DIAPH3: variants seen among roughly 807,000 people sequenced by gnomAD.
DIAPH3 encodes the protein protein diaphanous homolog 3.
A neutral mutation model predicts 144.3 loss-of-function variants in DIAPH3; 117 were observed. The observed-to-expected ratio is 0.81, with a 90% CI of 0.70 to 0.95. The LOEUF (loss-of-function observed/expected upper bound fraction) is 0.95. DIAPH3 is among the 40% of genes least tolerant of loss of function. The pLI, the probability that DIAPH3 is intolerant of heterozygous loss-of-function variation, is 0.00. For synonymous variants in DIAPH3, 519 were observed against 488.9 expected (o/e 1.06, Z -0.81); for missense variants, 1,421 against 1,412.7 (o/e 1.01, Z -0.09).
chr13:60,100,748 G>GT (rs1445411650), intron 3 of DIAPH3, among the ~76,000 whole-genome samples: 1 of 150,904 alleles, frequency 6.6e-6, no homozygotes, highest in Non-Finnish European at 1.5e-5. Context: ...ATAACTTGGG[G>GT]TAAAAAAAGA....
At chr13:59,682,762 T>C (rs992630146) in intron 27 of DIAPH3, among the ~76,000 whole-genome samples, 2 of 152,204 alleles carry the variant, frequency 1.3e-5, no homozygotes, top group Admixed American at 1.3e-4. Context: ...CAATCAAATA[T>C]GACCTCCTGA....
chr13:59,895,695 A>T (rs2046053175), intron 20 of DIAPH3, among the ~76,000 whole-genome samples: 1 of 152,226 alleles, frequency 6.6e-6, no homozygotes, highest in African/African-American at 2.4e-5. Context: ...TGAGTATCTC[A>T]GAGAAATTTT....
intron 22 of DIAPH3, among the ~76,000 whole-genome samples, chr13:59,860,019 T>A (rs1478592217): frequency 6.6e-6 from 1 of 152,092 alleles, no homozygotes; most frequent in African/African-American, 2.4e-5. Flanking sequence ...AAAAGGCTTA[T>A]TTTTTGTCTT....
chr13:60,017,388 G>A (rs1459454120), intron 5 of DIAPH3, among the ~76,000 whole-genome samples: 2 of 139,280 alleles, frequency 1.4e-5, no homozygotes, highest in Non-Finnish European at 1.5e-5. Flanking sequence ...TGGGCAACAA[G>A]AGCAAAACTC....
chr13:60,029,999 G>A (rs1238647427), intron 5 of DIAPH3, among the ~76,000 whole-genome samples: 1 of 151,954 alleles, frequency 6.6e-6, no homozygotes, highest in Non-Finnish European at 1.5e-5. Context: ...CTGCCACACG[G>A]TTTTTCCACC....
intron 19 of DIAPH3, among the ~76,000 whole-genome samples, chr13:59,915,518 A>G (rs1300262353): frequency 3.3e-5 from 5 of 152,138 alleles, no homozygotes; most frequent in African/African-American, 1.2e-4. Flanking sequence ...ATCTCTCACT[A>G]TATAATTTGT....
chr13:59,843,462 G>GT (rs1414957782), intron 22 of DIAPH3, among the ~76,000 whole-genome samples: 1 of 152,176 alleles, frequency 6.6e-6, no homozygotes, highest in Non-Finnish European at 1.5e-5. Context: ...CAATTCTGTG[G>GT]TTGTCAGTGG....
intron 27 of DIAPH3, among the ~76,000 whole-genome samples, chr13:59,760,164 C>T (rs1340638550): frequency 6.6e-6 from 1 of 152,172 alleles, no homozygotes. Flanking sequence ...AAAAATAGAG[C>T]ATACATCATC....
rs2053162948 is a variant in DIAPH3, at chr13:60,010,414, T to C, written c.908+119A>G. Reference sequence around the variant, plus strand: ...AGAAACTATATTAGCTGCTTAAATATACCTCAACATTTATTTAAATTCTAG... The same window carrying C: ...AGAAACTATATTAGCTGCTTAAATACACCTCAACATTTATTTAAATTCTAG... On this transcript the variant is annotated intron_variant, in intron 8 of 27. Coordinates refer to ENST00000400324, the MANE Select transcript of DIAPH3 (RefSeq NM_001042517.2). 3 of 1,094,620 alleles carry C rather than the reference T, an allele frequency of 2.7e-6. No homozygotes were observed. In the South Asian group the frequency reaches 4.9e-5, roughly 18 times the overall value. 67.8% of individuals were successfully genotyped at this position (1,094,620 alleles called of 1,614,324 possible).
chr13:59,835,021 A>G (rs2041970769), intron 23 of DIAPH3, among the ~76,000 whole-genome samples: 1 of 151,758 alleles, frequency 6.6e-6, no homozygotes, highest in South Asian at 2.1e-4. Flanking sequence ...ATTGCTCATT[A>G]CCAAACCACC....
chr13:59,771,191 A>T (rs959874788), intron 27 of DIAPH3, among the ~76,000 whole-genome samples: 1 of 152,242 alleles, frequency 6.6e-6, no homozygotes, highest in Admixed American at 6.6e-5. Context: ...AAACCTAAGA[A>T]GTCTGAGACT....
At chr13:59,769,323 C>G (rs969643630) in intron 27 of DIAPH3, among the ~76,000 whole-genome samples, 2 of 152,150 alleles carry the variant, frequency 1.3e-5, no homozygotes, top group African/African-American at 4.8e-5. Flanking sequence ...CTTCTTTCAA[C>G]CTTCGTTGTA....
At chr13:59,731,762 TAAG>T (rs1055060463) in intron 27 of DIAPH3, among the ~76,000 whole-genome samples, 2 of 152,160 alleles carry the variant, frequency 1.3e-5, no homozygotes, top group Non-Finnish European at 2.9e-5. Flanking sequence ...AGGAAAATGG[TAAG>T]AAGAACCAAA....
At chr13:59,955,381 G>A (rs2049341444) in intron 17 of DIAPH3, among the ~76,000 whole-genome samples, 1 of 152,048 alleles carries the variant, frequency 6.6e-6, no homozygotes, top group South Asian at 2.1e-4. Context: ...CCTGCACACG[G>A]TCTCCTGTCT....
intron 14 of DIAPH3, among the ~76,000 whole-genome samples, chr13:59,974,949 G>GT (rs2050585570): frequency 6.6e-6 from 1 of 151,166 alleles, no homozygotes; most frequent in African/African-American, 2.4e-5. Context: ...TTTTTTTCTT[G>GT]TAACAACATA....
intron 22 of DIAPH3, among the ~76,000 whole-genome samples, chr13:59,850,994 G>T (rs1398335849): frequency 1.4e-5 from 2 of 147,366 alleles, no homozygotes; most frequent in Non-Finnish European, 1.5e-5. Context: ...CCAATCAATA[G>T]AAAAAGAGGG....
chr13:60,149,002 A>T (rs1402876982), intron 1 of DIAPH3, among the ~76,000 whole-genome samples: 1 of 152,232 alleles, frequency 6.6e-6, no homozygotes, highest in Non-Finnish European at 1.5e-5. Context: ...AATAAATGAA[A>T]ACAAGTAATT....
intron 21 of DIAPH3, among the ~76,000 whole-genome samples, chr13:59,870,734 G>C (rs1405593118): frequency 1.3e-5 from 2 of 149,784 alleles, no homozygotes; most frequent in African/African-American, 2.5e-5. Flanking sequence ...GCAATGGCAC[G>C]ATCTCGGCTC....
intron 1 of DIAPH3, among the ~76,000 whole-genome samples, chr13:60,156,935 ATATATT>A (rs1313941164): frequency 7.6e-5 from 4 of 52,458 alleles, no homozygotes; most frequent in East Asian, 5.9e-4. Context: ...ATATATATAT[ATATATT>A]TTTTTTTTTT....
Sources: gnomAD v4.1 joint callset for allele counts (sites outside exome capture counted in the v4.1 genomes callset) on GRCh38, gnomAD v4.1.1 for gene constraint, MANE v1.5 for transcripts, NCBI Gene and HGNC (gene_info 2026-07-23, HGNC 2026-07-21) for gene names.